LINGO2: variants seen among roughly 807,000 people sequenced by gnomAD.
LINGO2 encodes the protein leucine rich repeat and Ig domain containing 2, also known as leucine-rich repeat and immunoglobulin-like domain-containing nogo receptor-interacting protein 2.
Under a neutral mutation model 30.6 loss-of-function variants are expected in LINGO2, and 14 were observed. The ratio of observed to expected loss-of-function variants is 0.46; its 90% confidence interval spans 0.30 to 0.72. LINGO2 has a LOEUF of 0.72. Ranked by LOEUF, LINGO2 falls within the 30% of genes least tolerant of loss-of-function variation. LINGO2 has a pLI of 0.07. For synonymous variants in LINGO2, 317 were observed against 288.5 expected (o/e 1.10, Z -1.00); for missense variants, 729 against 751.7 (o/e 0.97, Z 0.35).
intron 4 of LINGO2, among the ~76,000 whole-genome samples, chr9:28,119,357 G>T (rs1827027360): frequency 6.6e-6 from 1 of 152,202 alleles, no homozygotes; most frequent in African/African-American, 2.4e-5. Context: ...ATTTTAAGCT[G>T]TAATGAAGTA....
At chr9:28,131,980 G>T (rs985754009) in intron 4 of LINGO2, among the ~76,000 whole-genome samples, 1 of 152,148 alleles carries the variant, frequency 6.6e-6, no homozygotes, top group Non-Finnish European at 1.5e-5. Flanking sequence ...TTCAAGATCA[G>T]ATCTCAACTC....
chr9:28,660,576 A>G (rs1828547370), intron 1 of LINGO2, among the ~76,000 whole-genome samples: 1 of 151,990 alleles, frequency 6.6e-6, no homozygotes. Flanking sequence ...TAAAATCATA[A>G]TAAAAAGCAA....
intron 4 of LINGO2, among the ~76,000 whole-genome samples, chr9:28,234,494 A>T (rs1821487033): frequency 6.6e-6 from 1 of 152,190 alleles, no homozygotes; most frequent in Non-Finnish European, 1.5e-5. Context: ...GAGTCAGTGG[A>T]CTGGGAGAGG....
At chr9:28,855,849 C>G in the LINGO2 span, among the ~76,000 whole-genome samples, 5,857 of 152,180 alleles carry the variant, frequency 0.038, 174 homozygotes, top group East Asian at 0.078. Context: ...ACTTTAGGGA[C>G]AAATCTGTTT....
chr9:29,028,140 A>T, the LINGO2 span, among the ~76,000 whole-genome samples: 1 of 152,168 alleles, frequency 6.6e-6, no homozygotes, highest in Non-Finnish European at 1.5e-5. Flanking sequence ...TACACAGAAC[A>T]TTGGAGACTA....
chr9:28,816,701 A>G, the LINGO2 span, among the ~76,000 whole-genome samples: 1 of 152,198 alleles, frequency 6.6e-6, no homozygotes, highest in Admixed American at 6.5e-5. Flanking sequence ...AAATGAAAAG[A>G]AAGAGAGGTG....
intron 4 of LINGO2, among the ~76,000 whole-genome samples, chr9:28,188,433 A>C (rs145962354): frequency 2.6e-5 from 4 of 152,258 alleles, no homozygotes; most frequent in African/African-American, 9.6e-5. Context: ...CACCTGCTAA[A>C]GTTGAACCAC....
the LINGO2 span, among the ~76,000 whole-genome samples, chr9:28,992,821 A>C: frequency 1.3e-5 from 2 of 152,122 alleles, no homozygotes; most frequent in Admixed American, 6.6e-5. Flanking sequence ...ACCAACGAGA[A>C]CGAAGACACA....
chr9:28,895,691 T>C, the LINGO2 span, among the ~76,000 whole-genome samples: 1 of 152,056 alleles, frequency 6.6e-6, no homozygotes, highest in Non-Finnish European at 1.5e-5. Context: ...ATATTTAGAT[T>C]GACAGTAGTC....
chr9:29,100,684 T>G, the LINGO2 span, among the ~76,000 whole-genome samples: 1 of 152,016 alleles, frequency 6.6e-6, no homozygotes, highest in Non-Finnish European at 1.5e-5. Context: ...ATAAAAATAA[T>G]TTAATTGTTC....
At chr9:28,882,349 G>C in the LINGO2 span, among the ~76,000 whole-genome samples, 2 of 152,150 alleles carry the variant, frequency 1.3e-5, no homozygotes, top group Non-Finnish European at 2.9e-5. Context: ...TCTGGGGTTA[G>C]ACAGTCCTGA....
At chr9:28,054,849 T>C (rs1824848128) in intron 4 of LINGO2, among the ~76,000 whole-genome samples, 2 of 152,172 alleles carry the variant, frequency 1.3e-5, no homozygotes. Context: ...CTTAGGTTGT[T>C]ATGCCTTATT....
At chr9:28,365,962 C>T (rs1223493173) in intron 3 of LINGO2, among the ~76,000 whole-genome samples, 1 of 152,098 alleles carries the variant, frequency 6.6e-6, no homozygotes, top group African/African-American at 2.4e-5. Flanking sequence ...GGAGTCAGTC[C>T]TTTCCCAGGG....
rs185431820 is a variant in LINGO2 at position 28,626,954 on chromosome 9, G to A, written c.-365+43246C>T. Among the ~76,000 whole-genome samples, 6 of 151,654 alleles carry A rather than the reference G, an allele frequency of 4.0e-5. No individual in the cohort carries two copies. In the East Asian group the frequency reaches 1.2e-3, roughly 29 times the overall value. ...TAATCTAATAATATCTGTCATTTCT[G>A]AATCTTTTTTATTAGCTGATGCATT... On this transcript the variant is annotated intron_variant, in intron 1 of 5. Coordinates refer to ENST00000379992, the Ensembl canonical transcript of LINGO2.
chr9:28,517,210 C>T (rs1410442506), intron 1 of LINGO2, among the ~76,000 whole-genome samples: 1 of 152,056 alleles, frequency 6.6e-6, no homozygotes, highest in African/African-American at 2.4e-5. Flanking sequence ...TGACTTAATC[C>T]TCCTATTCTT....
the LINGO2 span, among the ~76,000 whole-genome samples, chr9:28,794,322 A>C: frequency 6.6e-6 from 1 of 151,968 alleles, no homozygotes; most frequent in Admixed American, 6.6e-5. Context: ...ACAAAACAAA[A>C]CCAAAACACA....
At chr9:28,964,332 C>G in the LINGO2 span, among the ~76,000 whole-genome samples, 2 of 151,888 alleles carry the variant, frequency 1.3e-5, no homozygotes, top group Non-Finnish European at 2.9e-5. Context: ...ACCAAAAAAG[C>G]TTCCTATAGG....
chr9:28,206,362 C>T (rs944447559), intron 4 of LINGO2, among the ~76,000 whole-genome samples: 1 of 152,048 alleles, frequency 6.6e-6, no homozygotes, highest in East Asian at 1.9e-4. Context: ...TTAGTAATAT[C>T]TAAATCAAGA....
At chr9:29,150,821 A>C in the LINGO2 span, among the ~76,000 whole-genome samples, 1 of 152,140 alleles carries the variant, frequency 6.6e-6, no homozygotes, top group African/African-American at 2.4e-5. Context: ...GCAACTTGGC[A>C]CATATATGTA....
Sources: allele counts gnomAD v4.1 joint callset (sites outside exome capture counted in the v4.1 genomes callset), GRCh38; gene constraint gnomAD v4.1.1; transcripts MANE v1.5; gene names NCBI Gene and HGNC (gene_info 2026-07-23, HGNC 2026-07-21).